The following CWC25 variants were observed in gnomAD, a reference collection of about 807,000 sequenced individuals.
CWC25 encodes CWC25 spliceosome associated protein.
CWC25 carries 31 observed loss-of-function variants against 54.6 expected under a neutral mutation model. The ratio of observed to expected loss-of-function variants is 0.57; its 90% CI spans 0.43 to 0.77. The LOEUF is 0.77. CWC25 is among the 30% of genes least tolerant of loss of function. The pLI is 0.00. For missense variants in CWC25, 453 were observed against 529.3 expected (o/e 0.86, Z 1.41); for synonymous variants, 151 against 187.0 (o/e 0.81, Z 1.57).
intron 1 of CWC25, among the ~76,000 whole-genome samples, chr17:38,822,406 A>C (rs1911961188): frequency 6.6e-6 from 1 of 152,032 alleles, no homozygotes; most frequent in African/African-American, 2.4e-5. Flanking sequence ...AGCTTGGTCT[A>C]CTTCACCTGC....
intron 3 of CWC25, among the ~76,000 whole-genome samples, chr17:38,813,193 A>G (rs1271731116): frequency 6.6e-6 from 1 of 151,312 alleles, no homozygotes; most frequent in Non-Finnish European, 1.5e-5. Flanking sequence ...GCAGTGGCTC[A>G]TCTCACACCT....
In CWC25 at chr17:38,811,024, A is replaced by G. The variant is rs1010932506; in HGVS notation, c.499-429T>C. On this transcript the variant is annotated intron_variant, in intron 4 of 9. Coordinates refer to ENST00000614790, the MANE Select transcript of CWC25 (RefSeq NM_017748.5). ...GAGGTGGGAGGATCACAAGGTCAGG[A>G]GTTCGAGACCACCCTGGCCAATATG... Among the ~76,000 whole-genome samples the G allele has an allele frequency of 3.3e-5, 5 of 151,018 alleles. No individual in the cohort carries two copies. The South Asian group carries it at 8.4e-4, about 25-fold the overall frequency.
Position 38,802,147 on chromosome 17 carries a change from A to C in CWC25, c.1223T>G (p.Ile408Ser). 1 of 1,613,978 alleles carries C rather than the reference A, an allele frequency of 6.2e-7. No homozygotes were observed. The highest frequency in any genetic ancestry group is 8.5e-7 in the Non-Finnish European group (1 of 1,179,826). Residue 408 changes from isoleucine to serine, a missense_variant, in exon 10 of 10, where the codon ATC (isoleucine) becomes AGC (serine). Ile to Ser is a moderately radical substitution (Grantham distance 142, BLOSUM62 -2). Coordinates refer to ENST00000614790, the MANE Select transcript of CWC25 (RefSeq NM_017748.5). The stretch of plus-strand genomic sequence containing the variant: ...TACCGAAGTTCTCTGTAAAGAGTAG[A>C]TATTCCGCTTCACCCGATCCTCCAG... The part of the protein sequence containing the change: ...SSLEDRVKRN[I>S]YSLQRTSVAL...
In CWC25 at chr17:38,802,664, C is replaced by G. The variant is rs764129791; in HGVS notation, c.1163+36G>C. On this transcript the variant is annotated intron_variant, in intron 9 of 9. Coordinates refer to ENST00000614790, the MANE Select transcript of CWC25 (RefSeq NM_017748.5). ...GCCAGCCTGCCTCTTAAGACCTTCCCCATGAAAGACCCTGGCAGGAAGAAG... is the reference window on the plus strand; with the variant it reads ...GCCAGCCTGCCTCTTAAGACCTTCCGCATGAAAGACCCTGGCAGGAAGAAG... 25 of 1,610,508 alleles carry G rather than the reference C, an allele frequency of 1.6e-5. 1 individual carries two copies. Among genetic ancestry groups the G allele is most frequent in the Admixed American group, 1.2e-4 (7 of 59,688 alleles).
intron 6 of CWC25, among the ~76,000 whole-genome samples, chr17:38,807,983 G>A (rs1911319497): frequency 7.4e-6 from 1 of 135,506 alleles, no homozygotes; most frequent in South Asian, 2.4e-4. Context: ...ATGAACCCAG[G>A]AGGCAGAGCT....
Position 38,806,862 on chromosome 17 carries a change from T to C in CWC25, c.805A>G (p.Arg269Gly). 1 of 1,613,862 alleles carries C rather than the reference T, an allele frequency of 6.2e-7. No homozygotes were observed. Among genetic ancestry groups the C allele is most frequent in the South Asian group, 1.1e-5 (1 of 91,072 alleles). The part of the protein sequence containing the change: ...RSRSSSHSPP[R>G]HASKKSTREA... ...CTGGTGCTCTTCTTGCTGGCATGTC[T>C]TGGGGGTGAGTGGGAGGAGCTTCTG... Residue 269 changes from arginine (R) to glycine (G), a missense_variant, in exon 7 of 10, where the codon AGA (arginine) becomes GGA (glycine). This residue lies in a region of CWC25 where 444 missense variants were observed against 499.2 expected (regional missense o/e 0.89). Coordinates refer to ENST00000614790, the MANE Select transcript of CWC25 (RefSeq NM_017748.5).
chr17:38,824,479 C>A (rs1912059273), intron 1 of CWC25, among the ~76,000 whole-genome samples: 1 of 151,888 alleles, frequency 6.6e-6, no homozygotes, highest in Non-Finnish European at 1.5e-5. Flanking sequence ...TTGAGGTCGG[C>A]AGATCGAGAC....
rs757484722 is a variant in CWC25 at position 38,812,776 on chromosome 17, T to A, written c.498+19A>T. 2 of 1,368,002 alleles carry A rather than the reference T, an allele frequency of 1.5e-6. No individual in the cohort carries two copies. Among genetic ancestry groups the A allele is most frequent in the East Asian group, 2.5e-5 (1 of 40,022 alleles). The allele number at this position is 1,368,002 out of a possible 1,614,324, so 84.7% of individuals were successfully genotyped here. On this transcript the variant is annotated intron_variant, in intron 4 of 9. Coordinates refer to ENST00000614790, the MANE Select transcript of CWC25 (RefSeq NM_017748.5). ...ATGGCTAAAAGATGCTCTTGGTGCT[T>A]ATCTGGTATACTACTTACCAATTCT... is the stretch of plus-strand genomic sequence containing the variant.
At chr17:38,803,039 A>T (rs1022863420) in intron 8 of CWC25, among the ~76,000 whole-genome samples, 178 bp from the exon 9 acceptor site, 1 of 152,116 alleles carries the variant, frequency 6.6e-6, no homozygotes, top group African/African-American at 2.4e-5. Context: ...CCAAATTTCA[A>T]AGGCTTTTAG....
intron 2 of CWC25, 102 bp downstream of exon 2, chr17:38,820,799 C>T (rs1911889319): frequency 1.5e-6 from 2 of 1,347,106 alleles, no homozygotes; most frequent in Non-Finnish European, 2.0e-6. Context: ...GCATTACAAC[C>T]CATGCCCTTA....
At chr17:38,806,488 C>T (rs1354820608) in intron 7 of CWC25, 93 bp from the exon 8 acceptor site, 1 of 1,100,088 alleles carries the variant, frequency 9.1e-7, no homozygotes, top group African/African-American at 1.6e-5. Context: ...AGCTAATGGT[C>T]TTAGAGGTAT....
chr17:38,825,116 A>G, intron 1 of CWC25, 50 bp downstream of exon 1: 2 of 1,442,284 alleles, frequency 1.4e-6, no homozygotes, highest in Non-Finnish European at 1.8e-6. Context: ...CCCCCTGCCA[A>G]TTTCCGTCCC....
Position 38,821,009 on chromosome 17 carries a change from T to C in CWC25, c.83A>G (p.Gln28Arg). Residue 28 changes from glutamine to arginine, a missense_variant, in exon 2 of 10, where the codon CAG (glutamine) becomes CGG (arginine). Gln to Arg is a conservative substitution (Grantham distance 43). Around this residue, in one of 2 missense-constraint regions of CWC25, gnomAD observed 444 missense variants for 499.2 expected, o/e 0.89. Transcript: ENST00000614790. ...CTTCTTCCGCTCAGCCTCATGCTTC[T>C]GCTCGGCCTTCCACACTTTCTCCAC... ...RNVEKVWKAE[Q>R]KHEAERKKIE... 1.9e-6 allele frequency: 3 copies of C among 1,613,990 alleles called. No individual in the cohort carries two copies. Among genetic ancestry groups the C allele is most frequent in the Non-Finnish European group, 2.5e-6 (3 of 1,179,896 alleles).
intron 8 of CWC25, among the ~76,000 whole-genome samples, chr17:38,803,163 A>G (rs1485184200): frequency 6.6e-6 from 1 of 152,216 alleles, no homozygotes; most frequent in Non-Finnish European, 1.5e-5. Context: ...TTATATCCCA[A>G]TGGTTTGCTC....
intron 3 of CWC25, among the ~76,000 whole-genome samples, chr17:38,814,547 T>C (rs1174609569): frequency 3.3e-5 from 5 of 151,312 alleles, no homozygotes; most frequent in Non-Finnish European, 5.9e-5. Context: ...ATCGAGACCA[T>C]CCTGGCTAAC....
At chr17:38,811,942 AT>A (rs376267806) in intron 4 of CWC25, among the ~76,000 whole-genome samples, 4,628 of 145,216 alleles carry the variant, frequency 0.032, 232 homozygotes, top group African/African-American at 0.11. Flanking sequence ...TAGAAGCCTT[AT>A]TTTTTTTTTT....
intron 4 of CWC25, among the ~76,000 whole-genome samples, chr17:38,811,349 C>T (rs150599865): frequency 4.7e-4 from 71 of 151,742 alleles, no homozygotes; most frequent in South Asian, 1.7e-3. Flanking sequence ...CTGGCTAACA[C>T]GGTGAAACAC....
chr17:38,815,745 A>G (rs982706816), intron 2 of CWC25: 7 of 1,180,666 alleles, frequency 5.9e-6, no homozygotes, highest in Non-Finnish European at 7.7e-6. Context: ...AGATGACCTA[A>G]AACAATGAAT....
chr17:38,804,391 C>T (rs887621171), intron 8 of CWC25, among the ~76,000 whole-genome samples: 17 of 152,000 alleles, frequency 1.1e-4, no homozygotes, highest in Admixed American at 2.6e-4. Context: ...AAGATCTGGC[C>T]GGGCACGGTG....
Sources: allele counts gnomAD v4.1 joint callset (sites outside exome capture counted in the v4.1 genomes callset), GRCh38; gene constraint gnomAD v4.1.1; regional missense constraint gnomAD v4.1.1; transcripts MANE v1.5; gene names NCBI Gene and HGNC (gene_info 2026-07-23, HGNC 2026-07-21).